The following AXDND1 variants were observed in gnomAD, a reference collection of about 807,000 sequenced individuals.
The protein encoded by AXDND1 is axonemal dynein light chain domain containing 1.
AXDND1 carries 110 observed loss-of-function variants against 137.5 expected under a neutral mutation model. The ratio of observed to expected loss-of-function variants is 0.80; its 90% CI spans 0.69 to 0.94. The LOEUF is 0.94. AXDND1 is among the 40% of genes least tolerant of loss of function. AXDND1 has a pLI of 0.00. For synonymous variants in AXDND1, 414 were observed against 399.7 expected (o/e 1.04, Z -0.43); for missense variants, 1,191 against 1,169.8 (o/e 1.02, Z -0.26).
chr1:179,439,702 TG>T (rs1346776977), intron 15 of AXDND1, among the ~76,000 whole-genome samples: 1 of 152,204 alleles, frequency 6.6e-6, no homozygotes, highest in Non-Finnish European at 1.5e-5. Context: ...TTTCTTGAGT[TG>T]TCCCCAGGTT....
chr1:179,403,322 A>G (rs1350882188), intron 11 of AXDND1, among the ~76,000 whole-genome samples: 1 of 152,200 alleles, frequency 6.6e-6, no homozygotes, highest in Non-Finnish European at 1.5e-5. Context: ...GGGTAACTAC[A>G]ACTGCAGACC....
chr1:179,551,458 A>G (rs1673268894), intron 25 of AXDND1: 1 of 1,612,742 alleles, frequency 6.2e-7, no homozygotes, highest in South Asian at 1.1e-5. Flanking sequence ...TCATCTAGAA[A>G]ACATGTGACG....
intron 4 of AXDND1, 41 bp downstream of exon 4, chr1:179,370,119 G>A (rs114713239): frequency 1.1e-5 from 16 of 1,490,864 alleles, no homozygotes; most frequent in Non-Finnish European, 1.4e-5. Context: ...GATAAATAGA[G>A]TTGTTTTCTC....
intron 12 of AXDND1, among the ~76,000 whole-genome samples, chr1:179,428,849 A>C (rs1656958433): frequency 6.6e-6 from 1 of 152,212 alleles, no homozygotes. Context: ...TGGGTTTGTT[A>C]ATGTTTAAGT....
At chr1:179,540,411 A>G (rs1318003092) in intron 25 of AXDND1, among the ~76,000 whole-genome samples, 1 of 151,948 alleles carries the variant, frequency 6.6e-6, no homozygotes. Flanking sequence ...TGTTGATGCT[A>G]TTCCTTTCTG....
chr1:179,553,201 G>T (rs1009338320), intron 25 of AXDND1, among the ~76,000 whole-genome samples: 4 of 152,174 alleles, frequency 2.6e-5, no homozygotes, highest in African/African-American at 9.7e-5. Context: ...CAGGTTAGCT[G>T]CCCCTCAAAA....
chr1:179,385,106 A>G (rs1361111411), intron 8 of AXDND1, 132 bp from the exon 9 acceptor site: 1 of 802,618 alleles, frequency 1.2e-6, no homozygotes, highest in Admixed American at 2.8e-5. Context: ...GTATATATAT[A>G]AATGAAAATG....
chr1:179,451,361 T>A (rs1660526407), intron 16 of AXDND1: 2 of 152,060 alleles, frequency 1.3e-5, no homozygotes, highest in Admixed American at 1.3e-4. Flanking sequence ...TCGTCCACTT[T>A]ATAATCCTTT....
chr1:179,408,756 C>T (rs1466652842), intron 11 of AXDND1, among the ~76,000 whole-genome samples: 1 of 152,130 alleles, frequency 6.6e-6, no homozygotes, highest in Non-Finnish European at 1.5e-5. Flanking sequence ...TCATGGCTCA[C>T]TGCAGCCTTG....
intron 17 of AXDND1, among the ~76,000 whole-genome samples, chr1:179,477,644 A>G (rs936417716): frequency 2.0e-5 from 3 of 152,162 alleles, no homozygotes; most frequent in African/African-American, 7.2e-5. Context: ...TTAAGATAAG[A>G]TTTGGGTGGG....
At chr1:179,392,165 C>T (rs1650309595) in intron 9 of AXDND1, among the ~76,000 whole-genome samples, 1 of 152,186 alleles carries the variant, frequency 6.6e-6, no homozygotes, top group South Asian at 2.1e-4. Flanking sequence ...TCCATTATAT[C>T]ATTCTTATGC....
At chr1:179,478,569 T>G (rs1467409872) in intron 17 of AXDND1, among the ~76,000 whole-genome samples, 1 of 152,192 alleles carries the variant, frequency 6.6e-6, no homozygotes, top group African/African-American at 2.4e-5. Context: ...GCCTGGCCCA[T>G]GAAGCCATTT....
chr1:179,483,297 C>A, intron 18 of AXDND1, 76 bp downstream of exon 18: 2 of 950,274 alleles, frequency 2.1e-6, no homozygotes, highest in South Asian at 1.9e-5. Flanking sequence ...ATAATGCTCT[C>A]CCTATTTAAA....
intron 25 of AXDND1, among the ~76,000 whole-genome samples, chr1:179,538,185 T>C (rs761064684): frequency 2.6e-5 from 4 of 152,220 alleles, no homozygotes; most frequent in Non-Finnish European, 5.9e-5. Context: ...TTTGTGTCTC[T>C]GTCTCCTTCA....
In AXDND1 at chr1:179,471,892, C is replaced by CT. The variant is rs1372871984; in HGVS notation, c.1997+3260dup. ...GCTCAATATGTTGTGTCTTCATTTTCTTTTTTTTTCTTTTTTTTTTGAGAT... is the reference window on the plus strand; with the variant it reads ...GCTCAATATGTTGTGTCTTCATTTTCTTTTTTTTTTCTTTTTTTTTTGAGAT... On this transcript the variant is annotated intron_variant, in intron 17 of 25. Transcript: ENST00000367618. Among the ~76,000 whole-genome samples, 358 of 150,578 alleles carry CT rather than the reference C, an allele frequency of 2.4e-3. 4 individuals carry two copies. The highest frequency in any genetic ancestry group is 8.0e-3 in the African/African-American group (329 of 41,000).
At chr1:179,523,014 G>C (rs1670211268) in intron 21 of AXDND1, among the ~76,000 whole-genome samples, 1 of 151,658 alleles carries the variant, frequency 6.6e-6, no homozygotes, top group Non-Finnish European at 1.5e-5. Context: ...TAAACACCCA[G>C]AGGATGTTTT....
chr1:179,383,452 A>G lies in AXDND1; in HGVS notation c.649A>G (p.Lys217Glu), dbSNP rs1422855341. 2.5e-6 allele frequency: 4 copies of G among 1,613,340 alleles called. No individual in the cohort carries two copies. The East Asian group carries it at 8.9e-5, about 36-fold the overall frequency. ...LLLFPSMKPN[K>E]RVEVAQLNDV... Reference sequence around the variant, plus strand: ...ACCTTAATTTTTTAGGAAACCTAATAAAAGAGTAGAAGTGGCCCAGCTGAA... The same window carrying G: ...ACCTTAATTTTTTAGGAAACCTAATGAAAGAGTAGAAGTGGCCCAGCTGAA... Residue 217 changes from lysine (K) to glutamate (E), a missense_variant, in exon 8 of 26, where the codon AAA becomes GAA. Physicochemically the swap from Lys to Glu is moderately conservative, Grantham distance 56. Coordinates refer to ENST00000367618, the MANE Select transcript of AXDND1 (RefSeq NM_144696.6).
chr1:179,522,349 T>G (rs532574599), intron 21 of AXDND1, among the ~76,000 whole-genome samples: 1 of 152,254 alleles, frequency 6.6e-6, no homozygotes, highest in African/African-American at 2.4e-5. Context: ...TTTTGTAATC[T>G]TTCTGTCTTT....
At chr1:179,383,340 G>T in intron 7 of AXDND1, 102 bp from the exon 8 acceptor site, 1 of 809,480 alleles carries the variant, frequency 1.2e-6, no homozygotes, top group Middle Eastern at 3.1e-4. Flanking sequence ...TAATATCCCA[G>T]AGAGCATATA....
Sources: gnomAD v4.1 joint callset for allele counts (sites outside exome capture counted in the v4.1 genomes callset) on GRCh38, gnomAD v4.1.1 for gene constraint, MANE v1.5 for transcripts, NCBI Gene and HGNC (gene_info 2026-07-23, HGNC 2026-07-21) for gene names.